Variants in FOXL3 observed in about 807,000 individuals in gnomAD.
The protein encoded by FOXL3 is forkhead box L3.
FOXL3 carries 16 observed loss-of-function variants against 10.9 expected under a neutral mutation model. The ratio of observed to expected loss-of-function variants is 1.46; its 90% CI spans 0.99 to 2.22. The LOEUF is 2.22. Ranked by LOEUF, FOXL3 falls within the 30% of genes most tolerant of loss-of-function variation. FOXL3 has a pLI of 0.00. For missense variants in FOXL3, 400 were observed against 337.9 expected (o/e 1.18, Z -1.44); for synonymous variants, 170 against 152.0 (o/e 1.12, Z -0.87).
In FOXL3 at chr7:291,386, G is replaced by A; in HGVS notation, c.600G>A (p.Leu200=). The A allele has an allele frequency of 7.6e-7, 1 of 1,313,612 alleles. No individual in the cohort carries two copies. The allele number at this position is 1,313,612 out of a possible 1,614,324, so 81.4% of individuals were successfully genotyped here. A position where few individuals can be genotyped will look rare whatever the true frequency, so the allele number is the denominator to read the frequency against. The change falls in exon 3 of 3, where the codon CTG becomes CTA. Residue 200 remains leucine (L), a synonymous_variant. Coordinates refer to ENST00000506382, the MANE Select transcript of FOXL3 (RefSeq NM_001374838.1). ...TCAAGTTCAGCATCGACTACATCCT[G>A]TCCTCCCCAGACCCCTTCCCTGGGC... The part of the protein sequence containing the change: ...RDLKFSIDYI[L]SSPDPFPGLK...
chr7:290,648 C>G lies in FOXL3; in HGVS notation c.108-5C>G. 2 of 1,405,748 alleles carry G rather than the reference C, an allele frequency of 1.4e-6. No homozygotes were observed. Among genetic ancestry groups the G allele is most frequent in the Non-Finnish European group, 1.8e-6 (2 of 1,083,368 alleles). 87.1% of individuals were successfully genotyped at this position (1,405,748 alleles called of 1,614,324 possible). ...GAGACCCCGCCTGACCCCCGGGCTC[C>G]GCAGCTACATCGCCTTGATCGCCAT... On this transcript the variant is annotated splice_polypyrimidine_tract_variant and splice_region_variant and intron_variant, in intron 1 of 2. Coordinates refer to ENST00000506382, the MANE Select transcript of FOXL3 (RefSeq NM_001374838.1).
In FOXL3 at chr7:291,446, C is replaced by G; in HGVS notation, c.660C>G (p.Tyr220Ter). 8.1e-7 allele frequency: 1 copy of G among 1,240,734 alleles called. No homozygotes were observed. Among genetic ancestry groups the G allele is most frequent in the Non-Finnish European group, 1.0e-6 (1 of 991,578 alleles). 76.9% of individuals were successfully genotyped at this position (1,240,734 alleles called of 1,614,324 possible). ...KPPCLAQEGR[Y>*]PRLENVGLHF... ...CCTGCCTCGCACAAGAGGGCAGATACCCGCGGCTGGAGAACGTGGGACTCC... is the reference window on the plus strand; with the variant it reads ...CCTGCCTCGCACAAGAGGGCAGATAGCCGCGGCTGGAGAACGTGGGACTCC... Residue 220 changes from tyrosine to a stop codon, truncating the protein, a stop_gained, in exon 3 of 3, where the codon TAC becomes TAG. Coordinates refer to ENST00000506382, the MANE Select transcript of FOXL3 (RefSeq NM_001374838.1). LOFTEE classifies it low-confidence loss of function (END_TRUNC).
chr7:291,261 G>A lies in FOXL3; in HGVS notation c.475G>A (p.Ala159Thr), dbSNP rs539785378. Reference sequence around the variant, plus strand: ...GTCGGGTCCGTCCGAGCCGCCCGCCGCTCAGGGGCGCCTGGCCCCGGACAG... The same window carrying A: ...GTCGGGTCCGTCCGAGCCGCCCGCCACTCAGGGGCGCCTGGCCCCGGACAG... ...GPSGPSEPPA[A>T]QGRLAPDSAG... is the part of the protein sequence containing the mutation. Residue 159 changes from alanine to threonine, a missense_variant, in exon 3 of 3, where the codon GCT becomes ACT. Transcript: ENST00000506382. 5 of 1,188,230 alleles carry A rather than the reference G, an allele frequency of 4.2e-6. No individual in the cohort carries two copies. In the African/African-American group the frequency reaches 4.8e-5, roughly 11 times the overall value. The allele number at this position is 1,188,230 out of a possible 1,614,324, so 73.6% of individuals were successfully genotyped here.
Position 290,701 on chromosome 7 carries a change from G to T in FOXL3, c.156G>T (p.Arg52Ser), listed in dbSNP as rs770499923. ...CCATTCAGCAGAGCCCCGCGGGGAG[G>T]GTGACCCTGTCCGGCATCTACGACT... ...AMAIQQSPAG[R>S]VTLSGIYDFI... The change falls in exon 2 of 3, where the codon AGG becomes AGT. Residue 52 changes from arginine (R) to serine (S), a missense_variant. Coordinates refer to ENST00000506382, the MANE Select transcript of FOXL3 (RefSeq NM_001374838.1). 6.8e-7 allele frequency: 1 copy of T among 1,467,998 alleles called. No homozygotes were observed. Among genetic ancestry groups the T allele is most frequent in the Admixed American group, 2.5e-5 (1 of 40,282 alleles). The allele number at this position is 1,467,998 out of a possible 1,614,324, so 90.9% of individuals were successfully genotyped here. A position where few individuals can be genotyped will look rare whatever the true frequency, so the allele number is the denominator to read the frequency against.
chr7:290,933 C>T (rs2115225330), intron 2 of FOXL3, 112 bp downstream of exon 2: 1 of 1,288,474 alleles, frequency 7.8e-7, no homozygotes, highest in Non-Finnish European at 9.9e-7. Flanking sequence ...GGTCCGTCCT[C>T]AGCCCACGGG....
In FOXL3 at chr7:290,653, C is replaced by T. The variant is rs556874634; in HGVS notation, c.108C>T (p.Ser36=). 143 of 1,409,434 alleles carry T rather than the reference C, an allele frequency of 1.0e-4. 1 individual carries two copies. The highest frequency in any genetic ancestry group is 8.2e-4 in the South Asian group (49 of 59,682). The allele number at this position is 1,409,434 out of a possible 1,614,324, so 87.3% of individuals were successfully genotyped here. A position where few individuals can be genotyped will look rare whatever the true frequency, so the allele number is the denominator to read the frequency against. The change falls in exon 2 of 3, where the codon AGC becomes AGT. Residue 36 remains serine (S), a splice_region_variant and synonymous_variant. Transcript: ENST00000506382. The stretch of plus-strand genomic sequence containing the variant: ...CCCGCCTGACCCCCGGGCTCCGCAG[C>T]TACATCGCCTTGATCGCCATGGCCA... ...EDKRLTRPAY[S]YIALIAMAIQ... is the part of the protein sequence containing the mutation.
At position 291,254 on chromosome 7, in the gene FOXL3, G is replaced by A; in HGVS notation, c.468G>A (p.Pro156=). ...AGGGGCCGTCGGGTCCGTCCGAGCC[G>A]CCCGCCGCTCAGGGGCGCCTGGCCC... ...GAQGPSGPSE[P]PAAQGRLAPD... Residue 156 remains proline, a synonymous_variant, in exon 3 of 3, where the codon CCG becomes CCA. Transcript: ENST00000506382. 8.5e-7 allele frequency: 1 copy of A among 1,176,062 alleles called. No homozygotes were observed. Among genetic ancestry groups the A allele is most frequent in the Non-Finnish European group, 1.1e-6 (1 of 952,132 alleles). The allele number at this position is 1,176,062 out of a possible 1,614,324, so 72.9% of individuals were successfully genotyped here.
intron 2 of FOXL3, 68 bp downstream of exon 2, chr7:290,889 C>CG: frequency 7.5e-7 from 1 of 1,325,468 alleles, no homozygotes; most frequent in Non-Finnish European, 9.6e-7. Flanking sequence ...GCCTCGGTGG[C>CG]GGGGAAGGGA....
At position 290,815 on chromosome 7, in the gene FOXL3, C is replaced by G; in HGVS notation, c.270C>G (p.Phe90Leu). Residue 90 changes from phenylalanine to leucine, a missense_variant, in exon 2 of 3, where the codon TTC becomes TTG. Coordinates refer to ENST00000506382, the MANE Select transcript of FOXL3 (RefSeq NM_001374838.1). ...IRHNLSLNSC[F>L]VKVPRSEGHE... The stretch of plus-strand genomic sequence containing the variant: ...ACAACCTGTCCCTCAACAGCTGCTT[C>G]GTCAAGGTGAGCGCCGCCCCCGACG... The G allele has an allele frequency of 6.8e-7, 1 of 1,464,336 alleles. No homozygotes were observed. Among genetic ancestry groups the G allele is most frequent in the Non-Finnish European group, 9.0e-7 (1 of 1,111,704 alleles). 90.7% of individuals were successfully genotyped at this position (1,464,336 alleles called of 1,614,324 possible).
At chr7:290,928 G>C in intron 2 of FOXL3, 107 bp downstream of exon 2, 1 of 1,288,966 alleles carries the variant, frequency 7.8e-7, no homozygotes, top group Non-Finnish European at 9.9e-7. Flanking sequence ...AGGGAGGTCC[G>C]TCCTCAGCCC....
At position 291,451 on chromosome 7, in the gene FOXL3, G is replaced by A; in HGVS notation, c.665G>A (p.Arg222Gln). 3 of 1,239,790 alleles carry A rather than the reference G, an allele frequency of 2.4e-6. No homozygotes were observed. Among genetic ancestry groups the A allele is most frequent in the Non-Finnish European group, 3.0e-6 (3 of 991,038 alleles). The allele number at this position is 1,239,790 out of a possible 1,614,324, so 76.8% of individuals were successfully genotyped here. ...PCLAQEGRYP[R>Q]LENVGLHFWT... ...CTCGCACAAGAGGGCAGATACCCGC[G>A]GCTGGAGAACGTGGGACTCCACTTT... The change falls in exon 3 of 3, where the codon CGG becomes CAG. Residue 222 changes from arginine (R) to glutamine (Q), a missense_variant. Physicochemically the swap from Arg to Gln is conservative, Grantham distance 43. Coordinates refer to ENST00000506382, the MANE Select transcript of FOXL3 (RefSeq NM_001374838.1).
At position 291,411 on chromosome 7, in the gene FOXL3, C is replaced by G; in HGVS notation, c.625C>G (p.Leu209Val). The G allele has an allele frequency of 3.1e-6, 4 of 1,270,866 alleles. No homozygotes were observed. The highest frequency in any genetic ancestry group is 4.0e-6 in the Non-Finnish European group (4 of 1,006,786). 78.7% of individuals were successfully genotyped at this position (1,270,866 alleles called of 1,614,324 possible). Residue 209 changes from leucine to valine, a missense_variant, in exon 3 of 3, where the codon CTC becomes GTC. Physicochemically the swap from Leu to Val is conservative, Grantham distance 32. Transcript: ENST00000506382. Reference sequence around the variant, plus strand: ...GTCCTCCCCAGACCCCTTCCCTGGGCTCAAGCCGCCCTGCCTCGCACAAGA... The same window carrying G: ...GTCCTCCCCAGACCCCTTCCCTGGGGTCAAGCCGCCCTGCCTCGCACAAGA... Reference protein sequence around the residue: ...ILSSPDPFPGLKPPCLAQEGR... With the variant: ...ILSSPDPFPGVKPPCLAQEGR...
In FOXL3 at chr7:290,680, T is replaced by A; in HGVS notation, c.135T>A (p.Ile45=). The A allele has an allele frequency of 7.0e-7, 1 of 1,429,596 alleles. No individual in the cohort carries two copies. The highest frequency in any genetic ancestry group is 1.6e-5 in the South Asian group (1 of 63,638). 88.6% of individuals were successfully genotyped at this position (1,429,596 alleles called of 1,614,324 possible). A position where few individuals can be genotyped will look rare whatever the true frequency, so the allele number is the denominator to read the frequency against. Residue 45 remains isoleucine, a synonymous_variant, in exon 2 of 3, where the codon ATT becomes ATA. Coordinates refer to ENST00000506382, the MANE Select transcript of FOXL3 (RefSeq NM_001374838.1). The stretch of plus-strand genomic sequence containing the variant: ...ACATCGCCTTGATCGCCATGGCCAT[T>A]CAGCAGAGCCCCGCGGGGAGGGTGA... ...YSYIALIAMA[I]QQSPAGRVTL...
intron 2 of FOXL3, 76 bp downstream of exon 2, chr7:290,897 G>A (rs971145334): frequency 1.4e-5 from 19 of 1,322,866 alleles, no homozygotes; most frequent in Middle Eastern, 1.9e-4. Context: ...GGCGGGGAAG[G>A]GAGGGCACCG....
At chr7:290,902 G>T in intron 2 of FOXL3, 81 bp downstream of exon 2, 1 of 1,317,242 alleles carries the variant, frequency 7.6e-7, no homozygotes, top group East Asian at 3.1e-5. Flanking sequence ...GGAAGGGAGG[G>T]CACCGCGGCG....
Position 291,375 on chromosome 7 carries a change from G to T in FOXL3, c.589G>T (p.Asp197Tyr). 7.6e-7 allele frequency: 1 copy of T among 1,318,264 alleles called. No homozygotes were observed. Among genetic ancestry groups the T allele is most frequent in the Non-Finnish European group, 9.7e-7 (1 of 1,033,332 alleles). 81.7% of individuals were successfully genotyped at this position (1,318,264 alleles called of 1,614,324 possible). A position where few individuals can be genotyped will look rare whatever the true frequency, so the allele number is the denominator to read the frequency against. Residue 197 changes from aspartate to tyrosine, a missense_variant, in exon 3 of 3, where the codon GAC becomes TAC. Coordinates refer to ENST00000506382, the MANE Select transcript of FOXL3 (RefSeq NM_001374838.1). ...EHPRDLKFSI[D>Y]YILSSPDPFP... ...CCCCCGGGACCTCAAGTTCAGCATCGACTACATCCTGTCCTCCCCAGACCC... is the reference window on the plus strand; with the variant it reads ...CCCCCGGGACCTCAAGTTCAGCATCTACTACATCCTGTCCTCCCCAGACCC...
chr7:291,111 T>C lies in FOXL3; in HGVS notation c.325T>C (p.Phe109Leu). Residue 109 changes from phenylalanine to leucine, a missense_variant, in exon 3 of 3, where the codon TTC becomes CTC. Coordinates refer to ENST00000506382, the MANE Select transcript of FOXL3 (RefSeq NM_001374838.1). ...HEKGKGNYWT[F>L]AGGCESLLDL... The stretch of plus-strand genomic sequence containing the variant: ...GAAGGGCAAAGGCAACTACTGGACG[T>C]TCGCGGGCGGCTGCGAGTCGCTGCT... The C allele has an allele frequency of 7.1e-7, 1 of 1,415,868 alleles. No homozygotes were observed. The highest frequency in any genetic ancestry group is 9.2e-7 in the Non-Finnish European group (1 of 1,085,928). The allele number at this position is 1,415,868 out of a possible 1,614,324, so 87.7% of individuals were successfully genotyped here.
Position 291,390 on chromosome 7 carries a change from T to TC in FOXL3, c.608dup (p.Asp204ArgfsTer?). The stretch of plus-strand genomic sequence containing the variant: ...GTTCAGCATCGACTACATCCTGTCC[T>TC]CCCCAGACCCCTTCCCTGGGCTCAA... On this transcript the variant is annotated frameshift_variant, in exon 3 of 3. Transcript: ENST00000506382. LOFTEE classifies it low-confidence loss of function (END_TRUNC). The TC allele has an allele frequency of 7.8e-7, 1 of 1,289,556 alleles. No homozygotes were observed. The highest frequency in any genetic ancestry group is 9.8e-7 in the Non-Finnish European group (1 of 1,016,812). 79.9% of individuals were successfully genotyped at this position (1,289,556 alleles called of 1,614,324 possible).
intron 1 of FOXL3, 76 bp from the exon 2 acceptor site, chr7:290,577 C>T: frequency 7.4e-7 from 1 of 1,353,214 alleles, no homozygotes; most frequent in Non-Finnish European, 9.7e-7. Context: ...CTCTGCGCCC[C>T]ACGGCGTCCT....
Sources: allele counts gnomAD v4.1 joint callset, GRCh38; gene constraint gnomAD v4.1.1; transcripts MANE v1.5; gene names NCBI Gene and HGNC (gene_info 2026-07-23, HGNC 2026-07-21).